NSRP1: variants seen among roughly 807,000 people sequenced by gnomAD.
NSRP1 encodes the protein coiled-coil domain containing 55.
A neutral mutation model predicts 54.7 loss-of-function variants in NSRP1; 24 were observed. That is an observed-to-expected ratio of 0.44 (90% CI 0.32 to 0.62). The LOEUF (loss-of-function observed/expected upper bound fraction) is 0.62. Ranked by LOEUF, NSRP1 falls within the 20% of genes least tolerant of loss-of-function variation. NSRP1 has a pLI of 0.06. For synonymous variants in NSRP1, 210 were observed against 213.8 expected (o/e 0.98, Z 0.15); for missense variants, 596 against 651.2 (o/e 0.92, Z 0.92).
chr17:30,131,994 A>G (rs1403248214), intron 2 of NSRP1, among the ~76,000 whole-genome samples: 2 of 152,310 alleles, frequency 1.3e-5, no homozygotes, highest in Admixed American at 1.3e-4. Context: ...CACGCTTGTA[A>G]TCCCAGCACT....
intron 2 of NSRP1, among the ~76,000 whole-genome samples, chr17:30,119,505 C>G (rs1427568742): frequency 6.6e-6 from 1 of 151,924 alleles, no homozygotes; most frequent in Non-Finnish European, 1.5e-5. Flanking sequence ...GTCACCATGC[C>G]CAGCCTCTTT....
chr17:30,125,474 T>A (rs1265267393), intron 2 of NSRP1, among the ~76,000 whole-genome samples: 1 of 152,214 alleles, frequency 6.6e-6, no homozygotes, highest in Non-Finnish European at 1.5e-5. Flanking sequence ...TGAATTGTTT[T>A]CATTTTGTGC....
At chr17:30,180,844 C>A (rs1905269036) in intron 5 of NSRP1, 64 bp from the exon 6 acceptor site, 1 of 961,480 alleles carries the variant, frequency 1.0e-6, no homozygotes, top group Non-Finnish European at 1.6e-6. Flanking sequence ...TACTGTATGT[C>A]TGTAAAATGA....
chr17:30,162,321 C>T (rs991615354), intron 2 of NSRP1, among the ~76,000 whole-genome samples: 6 of 152,280 alleles, frequency 3.9e-5, no homozygotes, highest in Middle Eastern at 3.4e-3. Context: ...TGAGCCACTG[C>T]GCCCAGCCAG....
chr17:30,185,033 C>T lies in NSRP1; in HGVS notation c.1036C>T (p.His346Tyr). ...DYRKERDSHRHREASHRDSHW... is the reference protein window; with the variant it reads ...DYRKERDSHRYREASHRDSHW... ...CCGGAAAGAAAGGGATTCTCATAGG[C>T]ACAGAGAGGCCAGTCATAGAGATTC... Residue 346 changes from histidine to tyrosine, a missense_variant, in exon 7 of 7, where the codon CAC becomes TAC. His to Tyr is a moderately conservative substitution (Grantham distance 83). Transcript: ENST00000247026. The T allele has an allele frequency of 6.2e-7, 1 of 1,613,988 alleles. No homozygotes were observed. Among genetic ancestry groups the T allele is most frequent in the Non-Finnish European group, 8.5e-7 (1 of 1,180,000 alleles).
At chr17:30,135,442 A>G (rs1324349511) in intron 2 of NSRP1, among the ~76,000 whole-genome samples, 1 of 147,990 alleles carries the variant, frequency 6.8e-6, no homozygotes, top group Non-Finnish European at 1.5e-5. Flanking sequence ...GAGTTAACTT[A>G]GGTAGGGTGT....
rs2071560160 is a variant in NSRP1, at chr17:30,118,161, T to A, written c.102T>A (p.Asp34Glu). 3 of 1,613,396 alleles carry A rather than the reference T, an allele frequency of 1.9e-6. No individual in the cohort carries two copies. The highest frequency in any genetic ancestry group is 2.5e-6 in the Non-Finnish European group (3 of 1,179,550). Reference protein sequence around the residue: ...QKPSVFGNDSDDDDETSVSES... With the variant: ...QKPSVFGNDSEDDDETSVSES... ...CATCAGTGTTTGGGAATGATTCTGA[T>A]GATGATGATGAGGTAAGGAAACCTA... The change falls in exon 2 of 7, where the codon GAT becomes GAA. Residue 34 changes from aspartate (D) to glutamate (E), a missense_variant. Transcript: ENST00000247026.
intron 2 of NSRP1, chr17:30,163,059 A>G (rs1448652411): frequency 6.7e-6 from 1 of 150,248 alleles, no homozygotes; most frequent in Non-Finnish European, 1.5e-5. Flanking sequence ...TTTTTTTTGT[A>G]TTTTTAGTAG....
chr17:30,158,482 C>T (rs548350752), intron 2 of NSRP1, among the ~76,000 whole-genome samples: 1 of 152,136 alleles, frequency 6.6e-6, no homozygotes, highest in Admixed American at 6.6e-5. Context: ...TCCCATTTAT[C>T]TATCTTTGTT....
chr17:30,125,357 T>C (rs957515391), intron 2 of NSRP1, among the ~76,000 whole-genome samples: 2 of 152,218 alleles, frequency 1.3e-5, no homozygotes, highest in Non-Finnish European at 2.9e-5. Flanking sequence ...TTGATACACC[T>C]GGAAAGGAGC....
chr17:30,130,739 G>T (rs572869695), intron 2 of NSRP1, among the ~76,000 whole-genome samples: 1 of 152,098 alleles, frequency 6.6e-6, no homozygotes, highest in African/African-American at 2.4e-5. Context: ...AATGTGTCTT[G>T]CTGCAAATAA....
rs577290078 is a variant in NSRP1 at position 30,132,943 on chromosome 17, T to C, written c.114+14770T>C. Among the ~76,000 whole-genome samples the C allele has an allele frequency of 2.6e-5, 4 of 152,234 alleles. No homozygotes were observed. The East Asian group carries it at 5.8e-4, about 22-fold the overall frequency. ...TGGAAGCTGTAGAGTTTATGAAATG[T>C]ATTTTTGTTTTTTCGAGACAAGGTC... is the stretch of plus-strand genomic sequence containing the variant. On this transcript the variant is annotated intron_variant, in intron 2 of 6. Coordinates refer to ENST00000247026, the MANE Select transcript of NSRP1 (RefSeq NM_032141.4).
chr17:30,179,780 C>G (rs1905239557), intron 5 of NSRP1, among the ~76,000 whole-genome samples: 2 of 152,096 alleles, frequency 1.3e-5, no homozygotes, highest in African/African-American at 4.8e-5. Flanking sequence ...TATCTTAATG[C>G]TTTACCTTAG....
At chr17:30,176,074 A>G (rs1359394008) in intron 3 of NSRP1, among the ~76,000 whole-genome samples, 1 of 150,138 alleles carries the variant, frequency 6.7e-6, no homozygotes, top group African/African-American at 2.5e-5. Flanking sequence ...TAATCCATAT[A>G]TATTCATACT....
intron 3 of NSRP1, among the ~76,000 whole-genome samples, chr17:30,174,516 A>T (rs1361430996): frequency 6.6e-6 from 1 of 152,072 alleles, no homozygotes; most frequent in Non-Finnish European, 1.5e-5. Context: ...TTCTATGTGG[A>T]CCTCAAGTTT....
At chr17:30,151,126 C>T (rs544125552) in intron 2 of NSRP1, among the ~76,000 whole-genome samples, 4 of 152,154 alleles carry the variant, frequency 2.6e-5, no homozygotes, top group Admixed American at 1.3e-4. Flanking sequence ...TGCTTTTTGG[C>T]CATTTGTATA....
chr17:30,145,094 G>A (rs1567795774), intron 2 of NSRP1, among the ~76,000 whole-genome samples: 1 of 152,094 alleles, frequency 6.6e-6, no homozygotes, highest in Non-Finnish European at 1.5e-5. Context: ...TTTAACTACA[G>A]CATATACGTC....
At chr17:30,169,068 T>G (rs1904836906) in intron 2 of NSRP1, 1 of 152,206 alleles carries the variant, frequency 6.6e-6, no homozygotes, top group African/African-American at 2.4e-5. Context: ...CGGTCATACT[T>G]CATTCTTCTA....
At chr17:30,164,992 G>A (rs530164890) in intron 2 of NSRP1, among the ~76,000 whole-genome samples, 1 of 152,170 alleles carries the variant, frequency 6.6e-6, no homozygotes, top group South Asian at 2.1e-4. Flanking sequence ...TAACTTGTAA[G>A]CTAATATATT....
Sources: allele counts gnomAD v4.1 joint callset (sites outside exome capture counted in the v4.1 genomes callset), GRCh38; gene constraint gnomAD v4.1.1; transcripts MANE v1.5; gene names NCBI Gene and HGNC (gene_info 2026-07-23, HGNC 2026-07-21).